The following ZNF124 variants were observed in gnomAD, a reference collection of about 807,000 sequenced individuals.
ZNF124 encodes the protein zinc finger protein HZF-16.
In ZNF124, 25 loss-of-function variants were observed where a neutral mutation model predicts 26.6. The ratio of observed to expected loss-of-function variants is 0.94; its 90% confidence interval spans 0.68 to 1.31. ZNF124 has a LOEUF of 1.31. ZNF124 is among the 40% of genes most tolerant of loss of function. The pLI is 0.00. For missense variants in ZNF124, 444 were observed against 422.2 expected (o/e 1.05, Z -0.45); for synonymous variants, 129 against 133.3 (o/e 0.97, Z 0.22).
intron 3 of ZNF124, among the ~76,000 whole-genome samples, chr1:247,141,171 T>C (rs1025816347): frequency 6.6e-6 from 1 of 151,442 alleles, no homozygotes; most frequent in African/African-American, 2.4e-5. Flanking sequence ...GCAGGGGGAG[T>C]GGGTGGAACC....
In ZNF124 at chr1:247,140,143, G is replaced by A. The variant is rs570471358; in HGVS notation, c.219-16272C>T. Among the ~76,000 whole-genome samples, 73 of 152,132 alleles carry A rather than the reference G, an allele frequency of 4.8e-4. 1 individual carries two copies. In the South Asian group the frequency reaches 0.015, roughly 32 times the overall value. On this transcript the variant is annotated intron_variant, in intron 3 of 3. Coordinates refer to the ZNF124 transcript ENST00000472531. ...GGGATGCCAATAATTCATAGATTTG[G>A]CCACTTTACAAAATACCATATTGCT...
intron 3 of ZNF124, among the ~76,000 whole-genome samples, chr1:247,140,733 G>A (rs1020827635): frequency 1.3e-5 from 2 of 152,156 alleles, no homozygotes; most frequent in African/African-American, 4.8e-5. Context: ...GGGAATGCTA[G>A]CAAGGTGTTT....
chr1:247,133,670 T>G (rs1259737623), intron 3 of ZNF124, among the ~76,000 whole-genome samples: 1 of 150,846 alleles, frequency 6.6e-6, no homozygotes. Context: ...TTTTTTTTTT[T>G]TGAGATGGAG....
chr1:247,159,533 TA>T (rs907455915), intron 2 of ZNF124, among the ~76,000 whole-genome samples, 153 bp downstream of exon 2: 30 of 152,294 alleles, frequency 2.0e-4, no homozygotes, highest in African/African-American at 7.2e-4. Flanking sequence ...AATTAAAAAA[TA>T]GACTAAGAAA....
chr1:247,165,124 G>A (rs577928306), intron 1 of ZNF124, among the ~76,000 whole-genome samples: 4 of 152,120 alleles, frequency 2.6e-5, no homozygotes, highest in Admixed American at 6.5e-5. Flanking sequence ...CTGCCACCCC[G>A]CCCTGCTAAT....
Position 247,142,449 on chromosome 1 carries a change from ATAT to A in ZNF124, c.218+16554_218+16556del, listed in dbSNP as rs141122515. On this transcript the variant is annotated intron_variant, in intron 3 of 3. Transcript: ENST00000472531. ...GTCATGCATTTCTGTAAATCAGAAA[ATAT>A]TATTAGGGTGTAATCATTCATATAT... Among the ~76,000 whole-genome samples the A allele has an allele frequency of 5.3e-5, 8 of 152,284 alleles. No homozygotes were observed. In the South Asian group the frequency reaches 8.3e-4, roughly 16 times the overall value.
intron 3 of ZNF124, among the ~76,000 whole-genome samples, chr1:247,139,638 T>C (rs1672575416): frequency 6.6e-6 from 1 of 152,158 alleles, no homozygotes; most frequent in East Asian, 1.9e-4. Flanking sequence ...GTAGCAGATT[T>C]TTCTTTCTAT....
intron 1 of ZNF124, among the ~76,000 whole-genome samples, chr1:247,163,062 GA>G (rs1673576270): frequency 1.3e-5 from 2 of 151,572 alleles, no homozygotes; most frequent in South Asian, 2.1e-4. Context: ...CAAATCAAAA[GA>G]AAAAAATGAA....
At chr1:247,140,719 A>G (rs1672604884) in intron 3 of ZNF124, among the ~76,000 whole-genome samples, 1 of 152,168 alleles carries the variant, frequency 6.6e-6, no homozygotes, top group African/African-American at 2.4e-5. Context: ...TTGGTCTCAC[A>G]GAGGGGAATG....
At chr1:247,158,284 AC>A (rs1223185081) in intron 3 of ZNF124, among the ~76,000 whole-genome samples, 17 of 151,880 alleles carry the variant, frequency 1.1e-4, no homozygotes, top group African/African-American at 4.1e-4. Context: ...AACCCCAAAA[AC>A]TTTGGCACTT....
rs1051228993 is a variant in ZNF124, at chr1:247,168,144, G to A, written c.30+3704C>T. Reference sequence around the variant, plus strand: ...GTACAACCGCCATGGAAAACAGTATGAAGATTCCTTAAAGAACTAAAAGTA... The same window carrying A: ...GTACAACCGCCATGGAAAACAGTATAAAGATTCCTTAAAGAACTAAAAGTA... On this transcript the variant is annotated intron_variant, in intron 1 of 3. Coordinates refer to ENST00000543802, the MANE Select transcript of ZNF124 (RefSeq NM_001297568.2). This position sits in a 1 kb window ranked among gnomAD's most constrained non-coding sequence, Gnocchi z 4.0. Among the ~76,000 whole-genome samples the A allele has an allele frequency of 2.0e-5, 3 of 152,180 alleles. No individual in the cohort carries two copies. Among genetic ancestry groups the A allele is most frequent in the Non-Finnish European group, 4.4e-5 (3 of 68,036 alleles).
chr1:247,149,612 TATAG>T (rs1488966035), intron 3 of ZNF124, among the ~76,000 whole-genome samples: 5 of 152,344 alleles, frequency 3.3e-5, no homozygotes, highest in Admixed American at 2.6e-4. Flanking sequence ...TGATCTTACT[TATAG>T]ATGGAGCTTA....
At chr1:247,148,634 T>C (rs1008625637) in intron 3 of ZNF124, among the ~76,000 whole-genome samples, 21 of 152,154 alleles carry the variant, frequency 1.4e-4, no homozygotes, top group Admixed American at 1.2e-3. Context: ...CAGTAGATTT[T>C]GATCACAGCT....
rs186060922 is a variant in ZNF124, at chr1:247,125,913, T to C, written c.219-2042A>G. Among the ~76,000 whole-genome samples, 615 of 152,316 alleles carry C rather than the reference T, an allele frequency of 4.0e-3. 3 individuals carry two copies. The highest frequency in any genetic ancestry group is 7.3e-3 in the Admixed American group (112 of 15,294). On this transcript the variant is annotated intron_variant, in intron 3 of 3. Coordinates refer to the ZNF124 transcript ENST00000472531. Reference sequence around the variant, plus strand: ...AAAGTAAGGACATTTGAATAAAAGCTATTTTCACTGGGGAAAAAAAGTAAA... The same window carrying C: ...AAAGTAAGGACATTTGAATAAAAGCCATTTTCACTGGGGAAAAAAAGTAAA...
In ZNF124 at chr1:247,159,704, C is replaced by T. The variant is rs1673361742; in HGVS notation, c.140G>A (p.Arg47Lys). The change falls in exon 2 of 4, where the codon AGG becomes AAG. Residue 47 changes from arginine to lysine, a missense_variant. Arg to Lys is a conservative substitution (Grantham distance 26). Coordinates refer to ENST00000543802, the MANE Select transcript of ZNF124 (RefSeq NM_001297568.2). ...ATTCTTACCTATGGAAGCCAGATTCCTGAAGGTTTCCTGCATCACGTCTCT... is the reference window on the plus strand; with the variant it reads ...ATTCTTACCTATGGAAGCCAGATTCTTGAAGGTTTCCTGCATCACGTCTCT... ...LYRDVMQETF[R>K]NLASIGNKGE... is the part of the protein sequence containing the mutation. The T allele has an allele frequency of 6.2e-7, 1 of 1,612,134 alleles. No homozygotes were observed. Among genetic ancestry groups the T allele is most frequent in the South Asian group, 1.1e-5 (1 of 90,568 alleles).
chr1:247,133,541 G>C (rs1419809737), intron 3 of ZNF124, among the ~76,000 whole-genome samples: 1 of 152,036 alleles, frequency 6.6e-6, no homozygotes, highest in African/African-American at 2.4e-5. Flanking sequence ...CAGCCAGATA[G>C]AATGGCCAGG....
chr1:247,159,075 T>C lies in ZNF124; in HGVS notation c.158-9A>G. On this transcript the variant is annotated splice_polypyrimidine_tract_variant and intron_variant, in intron 2 of 3. Transcript: ENST00000543802. ...GTCTTCCCCTTTGTTTCCTAAAATG[T>C]AGACCCAGAAATATATTACAAATTA... 1 of 1,608,870 alleles carries C rather than the reference T, an allele frequency of 6.2e-7. No homozygotes were observed. The highest frequency in any genetic ancestry group is 8.5e-7 in the Non-Finnish European group (1 of 1,177,988).
chr1:247,136,012 T>C (rs1219930575), intron 3 of ZNF124, among the ~76,000 whole-genome samples: 1 of 152,166 alleles, frequency 6.6e-6, no homozygotes, highest in African/African-American at 2.4e-5. Context: ...CAACGAGGTA[T>C]TGATGGAACA....
Position 247,155,022 on chromosome 1 carries a change from C to T in ZNF124, c.*1544G>A, listed in dbSNP as rs2103116236. The stretch of plus-strand genomic sequence containing the variant: ...CTTTAAGGAATTTATTTTAAAAACC[C>T]TCAGCTAACATCATACATGATGATA... On this transcript the variant is annotated 3_prime_UTR_variant, in exon 4 of 4. Coordinates refer to ENST00000543802, the MANE Select transcript of ZNF124 (RefSeq NM_001297568.2). Among the ~76,000 whole-genome samples the T allele has an allele frequency of 6.6e-6, 1 of 152,290 alleles. No individual in the cohort carries two copies. The highest frequency in any genetic ancestry group is 2.1e-4 in the South Asian group (1 of 4,824).
Sources: allele counts gnomAD v4.1 joint callset (sites outside exome capture counted in the v4.1 genomes callset), GRCh38; gene constraint gnomAD v4.1.1; non-coding constraint Gnocchi (gnomAD v3.1); transcripts MANE v1.5; gene names NCBI Gene and HGNC (gene_info 2026-07-23, HGNC 2026-07-21).